Variants in RPTOR observed in about 807,000 individuals in gnomAD.
RPTOR encodes regulatory associated protein of MTOR complex 1.
In RPTOR, 21 loss-of-function variants were observed where a neutral mutation model predicts 169.9. The observed-to-expected ratio is 0.12, with a 90% CI of 0.09 to 0.18. RPTOR has a LOEUF of 0.18. Among genes scored for constraint, RPTOR ranks in the 10% least tolerant of loss-of-function variants. The pLI is 1.00. For synonymous variants in RPTOR, 732 were observed against 753.2 expected, an observed-to-expected ratio of 0.97 and a Z score of 0.46; for missense variants, 1,133 against 1,855.9, an observed-to-expected ratio of 0.61 and a Z score of 7.16.
chr17:80,831,747 C>A (rs953212056), intron 9 of RPTOR, among the ~76,000 whole-genome samples: 3 of 152,000 alleles, frequency 2.0e-5, no homozygotes, highest in East Asian at 1.9e-4. Flanking sequence ...CTGTGTATCC[C>A]TGTGTATCAC....
intron 21 of RPTOR, among the ~76,000 whole-genome samples, chr17:80,913,013 C>T (rs913385354): frequency 5.3e-5 from 8 of 151,818 alleles, no homozygotes; most frequent in East Asian, 1.9e-4. Flanking sequence ...TGTCTGTGTG[C>T]GTGTGTGTGC....
At chr17:80,569,332 C>A (rs75445340) in intron 1 of RPTOR, among the ~76,000 whole-genome samples, 3,698 of 152,254 alleles carry the variant, frequency 0.024, 170 homozygotes, top group East Asian at 0.19. Flanking sequence ...TGTAGATCAG[C>A]TGCCTTCTTA....
intron 2 of RPTOR, among the ~76,000 whole-genome samples, chr17:80,634,223 TGTGTGTACTGTGTGTGC>T (rs2065467073): frequency 6.8e-6 from 1 of 147,952 alleles, no homozygotes; most frequent in Non-Finnish European, 1.5e-5. Flanking sequence ...ACTGTGTGCG[TGTGTGTACTGTGTGTGC>T]GTGCATACTG....
At chr17:80,770,522 T>G (rs562754576) in intron 6 of RPTOR, among the ~76,000 whole-genome samples, 1 of 152,270 alleles carries the variant, frequency 6.6e-6, no homozygotes, top group South Asian at 2.1e-4. Flanking sequence ...GGCTTAGAAC[T>G]GGGCATGGCG....
intron 21 of RPTOR, among the ~76,000 whole-genome samples, chr17:80,911,602 T>C (rs982971175): frequency 2.0e-5 from 3 of 152,092 alleles, no homozygotes; most frequent in South Asian, 2.1e-4. Flanking sequence ...CTGGGAAACA[T>C]AGTGAAACCC....
intron 3 of RPTOR, among the ~76,000 whole-genome samples, chr17:80,693,975 C>T (rs1461033318): frequency 1.3e-5 from 2 of 152,246 alleles, no homozygotes; most frequent in African/African-American, 4.8e-5. Context: ...TGCGCAGAAA[C>T]GGGCTTGGTC....
chr17:80,858,257 C>T lies in RPTOR; in HGVS notation c.1509+357C>T, dbSNP rs558574147. ...TCCTGACCCTGACTGGAAGCAACCC[C>T]GCCATGGCATAAACTTGGCCTCTGC... On this transcript the variant is annotated intron_variant, in intron 13 of 33. Coordinates refer to ENST00000306801, the MANE Select transcript of RPTOR (RefSeq NM_020761.3). 29 of 281,652 alleles carry T rather than the reference C, an allele frequency of 1.0e-4. 1 individual carries two copies. The highest frequency in any genetic ancestry group is 5.6e-4 in the African/African-American group (26 of 46,070). 17.4% of individuals were successfully genotyped at this position (281,652 alleles called of 1,614,324 possible).
At chr17:80,776,027 C>A (rs2066888893) in intron 6 of RPTOR, among the ~76,000 whole-genome samples, 5 of 84,282 alleles carry the variant, frequency 5.9e-5, no homozygotes. Context: ...TCCTGTTCAT[C>A]TTTGCGGTAC....
chr17:80,801,555 G>A (rs980786476), intron 7 of RPTOR: 1 of 152,198 alleles, frequency 6.6e-6, no homozygotes, highest in Non-Finnish European at 1.5e-5. Context: ...GAGGCACAGC[G>A]GCTGTGATTA....
At chr17:80,764,145 ATTTTATTTTATTTTATTTTATTTTATT>A (rs1436702091) in intron 6 of RPTOR, among the ~76,000 whole-genome samples, 1 of 128,360 alleles carries the variant, frequency 7.8e-6, no homozygotes, top group African/African-American at 3.1e-5. Flanking sequence ...ATTTTATTTT[ATTTTATTTTATTTTATTTTATTTTATT>A]TTATTATTAT....
chr17:80,669,988 G>A (rs1358729902), intron 3 of RPTOR, among the ~76,000 whole-genome samples: 2 of 152,154 alleles, frequency 1.3e-5, no homozygotes, highest in Non-Finnish European at 2.9e-5. Context: ...CTTTAGATTT[G>A]TCTTGTCTGA....
At chr17:80,560,717 C>T (rs1293969570) in intron 1 of RPTOR, among the ~76,000 whole-genome samples, 2 of 152,144 alleles carry the variant, frequency 1.3e-5, no homozygotes, top group Non-Finnish European at 2.9e-5. Flanking sequence ...TCATGCCCAC[C>T]CGGTGCTCTG....
chr17:80,830,480 A>AAAAC (rs2067491042), intron 9 of RPTOR, among the ~76,000 whole-genome samples: 1 of 152,226 alleles, frequency 6.6e-6, no homozygotes, highest in Non-Finnish European at 1.5e-5. Context: ...GACAGTTTGT[A>AAAAC]AAAGGCCCTT....
intron 7 of RPTOR, among the ~76,000 whole-genome samples, chr17:80,819,105 T>A (rs1179305569): frequency 6.6e-6 from 1 of 152,170 alleles, no homozygotes; most frequent in East Asian, 1.9e-4. Context: ...CCTGCACTTC[T>A]TCCGGAATGC....
intron 5 of RPTOR, among the ~76,000 whole-genome samples, chr17:80,742,660 T>C (rs12950676): frequency 0.55 from 83,648 of 151,180 alleles, 23,308 homozygotes; most frequent in African/African-American, 0.59. Context: ...TATAAACACA[T>C]GCACATACAC....
At chr17:80,920,589 C>G (rs893800664) in intron 21 of RPTOR, among the ~76,000 whole-genome samples, 2 of 152,364 alleles carry the variant, frequency 1.3e-5, no homozygotes, top group Admixed American at 1.3e-4. Flanking sequence ...ATGCGGTACT[C>G]CCACGGGCGC....
At chr17:80,729,064 T>G (rs2066366428) in intron 4 of RPTOR, among the ~76,000 whole-genome samples, 1 of 152,222 alleles carries the variant, frequency 6.6e-6, no homozygotes, top group Admixed American at 6.5e-5. Context: ...TATCATCATG[T>G]CTGAGATATA....
rs2068363953 is a variant in RPTOR, at chr17:80,893,769, C to G, written c.2305C>G (p.Leu769Val). ...CACCAGCAGCAGCGCCAGCAGCACCCTGGGCAGCCCCGAGAATGAGGAGCA... is the reference window on the plus strand; with the variant it reads ...CACCAGCAGCAGCGCCAGCAGCACCGTGGGCAGCCCCGAGAATGAGGAGCA... Reference protein sequence around the residue: ...LSTSSSASSTLGSPENEEHIL... With the variant: ...LSTSSSASSTVGSPENEEHIL... Residue 769 changes from leucine to valine, a missense_variant, in exon 20 of 34, where the codon CTG (leucine) becomes GTG (valine). Leu to Val is a conservative substitution (Grantham distance 32, BLOSUM62 1). Transcript: ENST00000306801. 1.2e-6 allele frequency: 2 copies of G among 1,601,814 alleles called. No individual in the cohort carries two copies. Among genetic ancestry groups the G allele is most frequent in the African/African-American group, 1.4e-5 (1 of 74,000 alleles).
At chr17:80,909,205 G>A (rs1204638350) in intron 21 of RPTOR, among the ~76,000 whole-genome samples, 1 of 150,864 alleles carries the variant, frequency 6.6e-6, no homozygotes, top group African/African-American at 2.4e-5. Context: ...GTGTCTGGGT[G>A]AGCTACAGTG....
Sources: allele counts gnomAD v4.1 joint callset (sites outside exome capture counted in the v4.1 genomes callset), GRCh38; gene constraint gnomAD v4.1.1; transcripts MANE v1.5; gene names NCBI Gene and HGNC (gene_info 2026-07-23, HGNC 2026-07-21).